PCNX1: variants seen among roughly 807,000 people sequenced by gnomAD.
The protein encoded by PCNX1 is pecanex 1.
In PCNX1, 78 loss-of-function variants were observed where a neutral mutation model predicts 242.2. The ratio of observed to expected loss-of-function variants is 0.32; its 90% CI spans 0.27 to 0.39. The LOEUF (loss-of-function observed/expected upper bound fraction) is 0.39, where lower values mean the gene tolerates loss of function less well. Ranked by LOEUF, PCNX1 falls within the 10% of genes least tolerant of loss-of-function variation. The probability of loss-of-function intolerance (pLI) is 1.00; values close to 1 mark genes in which losing one functional copy is unlikely to be tolerated. For missense variants in PCNX1, 2,581 were observed against 2,856.5 expected (o/e 0.90, Z 2.20); for synonymous variants, 1,024 against 1,032.9 (o/e 0.99, Z 0.17).
chr14:70,918,034 C>G (rs933122724), intron 1 of PCNX1, among the ~76,000 whole-genome samples: 2 of 152,184 alleles, frequency 1.3e-5, no homozygotes, highest in Non-Finnish European at 2.9e-5. Context: ...TTCCTCACCT[C>G]TTAGCCTTCA....
chr14:70,984,678 G>A (rs1259304765), intron 6 of PCNX1, among the ~76,000 whole-genome samples: 1 of 152,036 alleles, frequency 6.6e-6, no homozygotes, highest in African/African-American at 2.4e-5. Context: ...GAGCCACCGC[G>A]ACCTGCCGAC....
At chr14:71,029,384 A>G (rs1935263044) in intron 16 of PCNX1, among the ~76,000 whole-genome samples, 1 of 152,206 alleles carries the variant, frequency 6.6e-6, no homozygotes, top group South Asian at 2.1e-4. Flanking sequence ...CTAGTGCAAG[A>G]CAATCAGAGA....
chr14:71,009,142 A>G (rs1312553367), intron 8 of PCNX1, among the ~76,000 whole-genome samples: 1 of 152,220 alleles, frequency 6.6e-6, no homozygotes, highest in Admixed American at 6.5e-5. Flanking sequence ...CAACAATACT[A>G]GCTCTTTCCA....
intron 11 of PCNX1, among the ~76,000 whole-genome samples, chr14:71,014,923 C>G (rs1350982832): frequency 1.3e-5 from 2 of 152,060 alleles, no homozygotes; most frequent in African/African-American, 2.4e-5. Flanking sequence ...CCAAGGGACA[C>G]AACTGCTCAA....
In PCNX1 at chr14:71,068,680, AT is replaced by A. The variant is rs1254537971; in HGVS notation, c.4853-4859del. ...TATAGTCACAAGCAAAATTACAGTTATTTTTTATGTGAACATATACATGCAT... is the reference window on the plus strand; with the variant it reads ...TATAGTCACAAGCAAAATTACAGTTATTTTTATGTGAACATATACATGCAT... On this transcript the variant is annotated intron_variant, in intron 26 of 35. Coordinates refer to ENST00000304743, the MANE Select transcript of PCNX1 (RefSeq NM_014982.3). Among the ~76,000 whole-genome samples the A allele has an allele frequency of 4.2e-5, 5 of 119,390 alleles. 1 individual carries two copies. Among genetic ancestry groups the A allele is most frequent in the African/African-American group, 1.1e-4 (3 of 26,396 alleles). The allele number at this position is 119,390 out of a possible 152,430, so 78.3% of individuals were successfully genotyped here. A position where few individuals can be genotyped will look rare whatever the true frequency, so the allele number is the denominator to read the frequency against.
At chr14:70,938,746 A>G (rs1339280061) in intron 1 of PCNX1, among the ~76,000 whole-genome samples, 3 of 152,132 alleles carry the variant, frequency 2.0e-5, no homozygotes, top group Non-Finnish European at 2.9e-5. Context: ...TTGGCTGTGA[A>G]TCCCTTTGGT....
intron 6 of PCNX1, among the ~76,000 whole-genome samples, chr14:70,986,207 G>A (rs1292022301): frequency 6.6e-6 from 1 of 152,148 alleles, no homozygotes; most frequent in Non-Finnish European, 1.5e-5. Flanking sequence ...TCACTTGAAT[G>A]TGTGATACTG....
At chr14:70,959,741 AC>A (rs2058136465) in intron 2 of PCNX1, among the ~76,000 whole-genome samples, 1 of 150,486 alleles carries the variant, frequency 6.6e-6, no homozygotes, top group African/African-American at 2.4e-5. Context: ...TTGGGTATAT[AC>A]CCAGTAATGG....
intron 30 of PCNX1, among the ~76,000 whole-genome samples, chr14:71,095,965 C>T (rs934040080): frequency 2.0e-5 from 3 of 151,680 alleles, no homozygotes; most frequent in Non-Finnish European, 4.4e-5. Context: ...CGCTTGAGCT[C>T]AGGTGTTTGA....
intron 16 of PCNX1, among the ~76,000 whole-genome samples, chr14:71,029,013 G>T (rs186249259): frequency 3.3e-5 from 5 of 152,010 alleles, no homozygotes; most frequent in Non-Finnish European, 7.4e-5. Flanking sequence ...TGCAGTAGTC[G>T]TAGGTTAATA....
intron 26 of PCNX1, among the ~76,000 whole-genome samples, chr14:71,065,235 A>G (rs1393664346): frequency 6.6e-6 from 1 of 152,196 alleles, no homozygotes; most frequent in Non-Finnish European, 1.5e-5. Context: ...ACTCCCACCA[A>G]CAGTGTAAAA....
chr14:71,009,588 T>TTC, intron 8 of PCNX1, 46 bp from the exon 9 acceptor site: 1 of 1,126,764 alleles, frequency 8.9e-7, no homozygotes, highest in Non-Finnish European at 1.3e-6. Context: ...GAAGGAAAAA[T>TTC]TCTGAGTATT....
chr14:71,059,357 A>T (rs1215443078), intron 26 of PCNX1, among the ~76,000 whole-genome samples: 1 of 152,068 alleles, frequency 6.6e-6, no homozygotes, highest in East Asian at 1.9e-4. Flanking sequence ...GTAACAAGGG[A>T]TACCTGTAAT....
Position 71,110,677 on chromosome 14 carries a change from G to A in PCNX1, c.*742G>A, listed in dbSNP as rs1258058751. The A allele has an allele frequency of 6.6e-6, 1 of 152,254 alleles. No homozygotes were observed. Among genetic ancestry groups the A allele is most frequent in the Non-Finnish European group, 1.5e-5 (1 of 68,052 alleles). 9.4% of individuals were successfully genotyped at this position (152,254 alleles called of 1,614,324 possible). A position where few individuals can be genotyped will look rare whatever the true frequency, so the allele number is the denominator to read the frequency against. On this transcript the variant is annotated 3_prime_UTR_variant, in exon 36 of 36. Coordinates refer to ENST00000304743, the MANE Select transcript of PCNX1 (RefSeq NM_014982.3). ...AGTGTGTACTTCATGCCAGGACATT[G>A]GGTATTTTCTTTAAAGTGAATATAG...
intron 6 of PCNX1, among the ~76,000 whole-genome samples, chr14:70,981,608 T>A (rs1268865563): frequency 6.6e-6 from 1 of 152,216 alleles, no homozygotes; most frequent in Non-Finnish European, 1.5e-5. Context: ...ACAGGAAATA[T>A]GTTTTAAGTT....
intron 25 of PCNX1, among the ~76,000 whole-genome samples, chr14:71,057,137 T>C (rs1000330135): frequency 3.4e-5 from 5 of 148,700 alleles, no homozygotes; most frequent in Non-Finnish European, 1.5e-5. Flanking sequence ...CTAAATAGTC[T>C]TTTGTTCTTC....
rs148644029 is a variant in PCNX1 at position 71,109,844 on chromosome 14, A to C, written c.6935A>C (p.His2312Pro). ...AGCAGAGATCCAGGTACCAGATCCC[A>C]CATCGACAAGGCAGTGCTTCTGGTC... ...PCSRDPGTRS[H>P]IDKAVLLVQI... The change falls in exon 36 of 36, where the codon CAC (histidine) becomes CCC (proline). Residue 2312 changes from histidine to proline, a missense_variant. Around this residue, in one of 9 missense-constraint regions of PCNX1, gnomAD observed 432 missense variants for 433.6 expected, o/e 1.00. Transcript: ENST00000304743. The C allele has an allele frequency of 1.2e-4, 187 of 1,612,916 alleles. 2 individuals carry two copies. Among genetic ancestry groups the C allele is most frequent in the Non-Finnish European group, 1.5e-4 (175 of 1,179,042 alleles).
At chr14:71,068,591 CGTGTGTGTGTGT>C (rs373964832) in intron 26 of PCNX1, among the ~76,000 whole-genome samples, 5 of 124,032 alleles carry the variant, frequency 4.0e-5, no homozygotes, top group Non-Finnish European at 6.5e-5. Flanking sequence ...TATGTACGTG[CGTGTGTGTGTGT>C]GTGTGTGTGT....
chr14:70,923,348 T>C (rs918307965), intron 1 of PCNX1, among the ~76,000 whole-genome samples: 1 of 152,200 alleles, frequency 6.6e-6, no homozygotes, highest in African/African-American at 2.4e-5. Flanking sequence ...ATCTAATACC[T>C]ATTAAGGGCT....
Sources: allele counts gnomAD v4.1 joint callset (sites outside exome capture counted in the v4.1 genomes callset), GRCh38; gene constraint gnomAD v4.1.1; regional missense constraint gnomAD v4.1.1; transcripts MANE v1.5; gene names NCBI Gene and HGNC (gene_info 2026-07-23, HGNC 2026-07-21).